Variants in SAP130 observed in about 807,000 individuals in gnomAD.
SAP130 encodes Sin3A associated protein 130.
A neutral mutation model predicts 103.2 loss-of-function variants in SAP130; 16 were observed. That is an observed-to-expected ratio of 0.16 (90% CI 0.10 to 0.24). SAP130 has a LOEUF of 0.24. Among genes scored for constraint, SAP130 ranks in the 10% least tolerant of loss-of-function variants. SAP130 has a pLI of 1.00. For synonymous variants in SAP130, 477 were observed against 497.0 expected, an observed-to-expected ratio of 0.96 and a Z score of 0.53; for missense variants, 990 against 1,359.7, an observed-to-expected ratio of 0.73 and a Z score of 4.28.
Position 127,955,747 on chromosome 2 carries a change from C to G in SAP130, c.2064-403G>C, listed in dbSNP as rs999027808. Among the ~76,000 whole-genome samples the G allele has an allele frequency of 6.6e-6, 1 of 152,158 alleles. No individual in the cohort carries two copies. The highest frequency in any genetic ancestry group is 2.4e-5 in the African/African-American group (1 of 41,438). ...AAGTGATCCGCCTGCCTCGGCCTCC[C>G]AAAGTGATGGGATTACAGGTGTGAG... is the stretch of plus-strand genomic sequence containing the variant. On this transcript the variant is annotated intron_variant, in intron 15 of 20. Coordinates refer to ENST00000643581, the MANE Select transcript of SAP130 (RefSeq NM_001330301.2). The surrounding 1 kb of genome is among the most constrained non-coding windows in gnomAD (Gnocchi z 4.9).
intron 12 of SAP130, among the ~76,000 whole-genome samples, chr2:127,990,317 G>A (rs1559074358): frequency 2.0e-5 from 3 of 151,570 alleles, no homozygotes; most frequent in Middle Eastern, 3.4e-3. Context: ...ACAAGCAAGT[G>A]TCCTGTGTCT....
At chr2:127,983,786 A>G (rs1301088352) in intron 14 of SAP130, among the ~76,000 whole-genome samples, 4 of 108,940 alleles carry the variant, frequency 3.7e-5, no homozygotes, top group Admixed American at 3.6e-4. Context: ...CAGGAAACTC[A>G]TTTCTTTCAG....
chr2:127,952,394 T>C (rs1195541099), intron 16 of SAP130, among the ~76,000 whole-genome samples: 2 of 148,596 alleles, frequency 1.3e-5, no homozygotes, highest in African/African-American at 5.0e-5. Context: ...GAGGTTGCAG[T>C]GAGCCAAGAT....
intron 6 of SAP130, among the ~76,000 whole-genome samples, chr2:128,012,238 G>A (rs750630359): frequency 1.3e-5 from 2 of 152,210 alleles, no homozygotes; most frequent in Non-Finnish European, 2.9e-5. Context: ...AGGAGGCCGA[G>A]GCAGGCAGAT....
In SAP130 at chr2:127,955,215, C is replaced by T. The variant is rs758403686; in HGVS notation, c.2193G>A (p.Pro731=). Residue 731 remains proline, a synonymous_variant, in exon 16 of 21, where the codon CCG becomes CCA. Transcript: ENST00000643581. The surrounding 1 kb of genome is among the most constrained non-coding windows in gnomAD (Gnocchi z 4.9). ...CTGCTGCAATCATAGTTGGAATGGTCGGTGGGGGCTGCTGGGCAGTTGGAG... is the reference window on the plus strand; with the variant it reads ...CTGCTGCAATCATAGTTGGAATGGTTGGTGGGGGCTGCTGGGCAGTTGGAG... The part of the protein sequence containing the change: ...AVPPTAQQPP[P]TIPTMIAAAS... 6.1e-5 allele frequency: 99 copies of T among 1,613,754 alleles called. No individual in the cohort carries two copies. The highest frequency in any genetic ancestry group is 2.0e-4 in the Admixed American group (12 of 59,966).
rs1679005337 is a variant in SAP130, at chr2:127,945,391, C to CAGTG, written c.2901+64_2901+65insCACT. The CAGTG allele has an allele frequency of 8.3e-6, 8 of 961,760 alleles. No homozygotes were observed. The Admixed American group carries it at 1.5e-4, about 18-fold the overall frequency. 59.6% of individuals were successfully genotyped at this position (961,760 alleles called of 1,614,324 possible). On this transcript the variant is annotated intron_variant, in intron 19 of 20. Coordinates refer to ENST00000643581, the MANE Select transcript of SAP130 (RefSeq NM_001330301.2). ...AGTTACTTTTAAAAAGTTCTATGAA[C>CAGTG]TCAGCTATCTGCAGTGTCTTCTCCT...
At chr2:128,003,957 CTTTTTTTTTTT>C (rs61211577) in intron 7 of SAP130, among the ~76,000 whole-genome samples, 177 of 67,940 alleles carry the variant, frequency 2.6e-3, no homozygotes, top group South Asian at 6.1e-3. Flanking sequence ...CACAGATCAG[CTTTTTTTTTTT>C]TTTTTTTTTT....
chr2:127,943,420 C>T (rs947756588), intron 19 of SAP130, among the ~76,000 whole-genome samples: 9 of 152,114 alleles, frequency 5.9e-5, no homozygotes, highest in Admixed American at 3.9e-4. Context: ...GACAGGGATA[C>T]GTTCTGAGAA....
At chr2:128,018,668 C>T (rs904215624) in intron 2 of SAP130, among the ~76,000 whole-genome samples, 2 of 151,314 alleles carry the variant, frequency 1.3e-5, no homozygotes, top group Non-Finnish European at 2.9e-5. Flanking sequence ...GGCATGCACC[C>T]GTAATCCCAG....
rs531681992 is a variant in SAP130 at position 127,962,027 on chromosome 2, G to A, written c.2064-6683C>T. Among the ~76,000 whole-genome samples, 32 of 152,288 alleles carry A rather than the reference G, an allele frequency of 2.1e-4. 1 individual carries two copies. In the South Asian group the frequency reaches 5.4e-3, roughly 26 times the overall value. ...TCTGTCATCTGATATATGTGCTAGT[G>A]TATCTGAATAATAAATTACCACACA... On this transcript the variant is annotated intron_variant, in intron 15 of 20. Coordinates refer to ENST00000643581, the MANE Select transcript of SAP130 (RefSeq NM_001330301.2).
At chr2:127,985,181 A>T (rs1229022767) in intron 14 of SAP130, among the ~76,000 whole-genome samples, 2 of 152,224 alleles carry the variant, frequency 1.3e-5, no homozygotes, top group African/African-American at 4.8e-5. Flanking sequence ...GGGTTATGAG[A>T]CAGAAAGATT....
At chr2:127,985,378 C>T (rs765183002) in intron 14 of SAP130, among the ~76,000 whole-genome samples, 1 of 152,172 alleles carries the variant, frequency 6.6e-6, no homozygotes, top group Non-Finnish European at 1.5e-5. Context: ...GACCCTAGTC[C>T]CAGCAATTTA....
intron 15 of SAP130, among the ~76,000 whole-genome samples, chr2:127,961,028 C>T (rs1457387918): frequency 6.9e-6 from 1 of 145,092 alleles, no homozygotes; most frequent in Non-Finnish European, 1.5e-5. Context: ...GTCTGGCTGT[C>T]GCCCAGACTG....
intron 7 of SAP130, 55 bp downstream of exon 7, chr2:128,010,214 A>C: frequency 6.4e-7 from 1 of 1,550,946 alleles, no homozygotes; most frequent in Non-Finnish European, 8.7e-7. Context: ...GAAAGAAAAA[A>C]GAGTGAAGGA....
chr2:128,012,950 T>G, intron 6 of SAP130, 80 bp downstream of exon 6: 1 of 1,346,190 alleles, frequency 7.4e-7, no homozygotes, highest in Non-Finnish European at 9.8e-7. Flanking sequence ...GGAAAGTCCC[T>G]GAGGTCAAGG....
chr2:127,990,409 G>A (rs1682706101), intron 12 of SAP130, among the ~76,000 whole-genome samples: 1 of 151,724 alleles, frequency 6.6e-6, no homozygotes, highest in Non-Finnish European at 1.5e-5. Context: ...AACAAAAAAG[G>A]AGGAATTTCT....
rs1681599138 is a variant in SAP130, at chr2:127,978,055, G to C, written c.1993C>G (p.Pro665Ala). The change falls in exon 15 of 21, where the codon CCT (proline) becomes GCT (alanine). Residue 665 changes from proline to alanine, a missense_variant. This residue lies in a region of SAP130 where 349 missense variants were observed against 384.1 expected (regional missense o/e 0.91). Coordinates refer to ENST00000643581, the MANE Select transcript of SAP130 (RefSeq NM_001330301.2). ...ACTCGAGGACTAGCAACATCAGGAG[G>C]CTGAGGAGGAATGAGGGTTTTCCGA... ...AVRKTLIPPQ[P>A]PDVASPRVES... 1.9e-6 allele frequency: 3 copies of C among 1,551,724 alleles called. No homozygotes were observed. Among genetic ancestry groups the C allele is most frequent in the Non-Finnish European group, 1.7e-6 (2 of 1,147,010 alleles).
At chr2:127,998,504 TC>T (rs1443604467) in intron 10 of SAP130, among the ~76,000 whole-genome samples, 8 of 152,218 alleles carry the variant, frequency 5.3e-5, no homozygotes, top group Non-Finnish European at 1.5e-5. Flanking sequence ...AAATCAGTGG[TC>T]TAGGGTTATA....
At chr2:127,979,491 A>G (rs1411973241) in intron 14 of SAP130, among the ~76,000 whole-genome samples, 4 of 85,404 alleles carry the variant, frequency 4.7e-5, no homozygotes, top group Non-Finnish European at 1.2e-4. Context: ...AAACTGCAGG[A>G]AAAAAAAAAG....
Sources: gnomAD v4.1 joint callset for allele counts (sites outside exome capture counted in the v4.1 genomes callset) on GRCh38, gnomAD v4.1.1 for gene constraint, gnomAD v4.1.1 regional missense constraint, Gnocchi (gnomAD v3.1) non-coding constraint, MANE v1.5 for transcripts, NCBI Gene and HGNC (gene_info 2026-07-23, HGNC 2026-07-21) for gene names.